The following SIK3 variants were observed in gnomAD, a reference collection of about 807,000 sequenced individuals.
The protein encoded by SIK3 is serine/threonine-protein kinase SIK3.
SIK3 carries 28 observed loss-of-function variants against 144.2 expected under a neutral mutation model. The ratio of observed to expected loss-of-function variants is 0.19; its 90% confidence interval spans 0.14 to 0.27. SIK3 has a LOEUF of 0.27. Ranked by LOEUF, SIK3 falls within the 10% of genes least tolerant of loss-of-function variation. SIK3 has a pLI of 1.00. For missense variants in SIK3, 1,319 were observed against 1,776.0 expected (o/e 0.74, Z 4.62); for synonymous variants, 686 against 676.3 (o/e 1.01, Z -0.22).
chr11:117,018,437 G>A (rs772608386), intron 1 of SIK3, among the ~76,000 whole-genome samples: 36 of 152,182 alleles, frequency 2.4e-4, no homozygotes, highest in Non-Finnish European at 4.0e-4. Context: ...AGTTCCAAAA[G>A]AGAACTCCAC....
At chr11:117,023,344 T>C (rs933543181) in intron 1 of SIK3, among the ~76,000 whole-genome samples, 4 of 151,684 alleles carry the variant, frequency 2.6e-5, no homozygotes, top group African/African-American at 7.3e-5. Context: ...TCTCTGTCCC[T>C]TCCCCGAGTT....
chr11:117,000,251 C>A (rs1372140429), intron 1 of SIK3, among the ~76,000 whole-genome samples: 3 of 152,128 alleles, frequency 2.0e-5, no homozygotes, highest in African/African-American at 7.2e-5. Context: ...TTCCTCAAAC[C>A]TAATGTTGGG....
At chr11:117,052,169 A>ATCTC (rs148824213) in intron 1 of SIK3, among the ~76,000 whole-genome samples, 3 of 150,288 alleles carry the variant, frequency 2.0e-5, no homozygotes, top group South Asian at 4.2e-4. Flanking sequence ...AAGGAAAGAA[A>ATCTC]TCTCTCTCTC....
At chr11:116,992,323 C>G (rs934106015) in intron 1 of SIK3, among the ~76,000 whole-genome samples, 44 of 145,432 alleles carry the variant, frequency 3.0e-4, no homozygotes, top group Admixed American at 7.4e-4. Flanking sequence ...AGACCCCCCC[C>G]CCCAAAAAAA....
At chr11:117,044,890 A>G (rs916654244) in intron 1 of SIK3, among the ~76,000 whole-genome samples, 5 of 152,170 alleles carry the variant, frequency 3.3e-5, no homozygotes, top group Non-Finnish European at 4.4e-5. Flanking sequence ...TTTCTAAAAA[A>G]CAACATGGCA....
intron 21 of SIK3, among the ~76,000 whole-genome samples, chr11:116,851,052 T>C (rs1000410885): frequency 2.0e-5 from 3 of 152,204 alleles, no homozygotes; most frequent in African/African-American, 7.2e-5. Flanking sequence ...TATGGGTTAC[T>C]ATCCTGTCAG....
Position 116,844,617 on chromosome 11 carries a change from TA to T in SIK3, c.*1025del, listed in dbSNP as rs1327752341. 11,601 of 59,950 alleles carry T rather than the reference TA, an allele frequency of 0.19. 1,828 individuals carry two copies. The highest frequency in any genetic ancestry group is 0.48 in the African/African-American group (10,987 of 22,898). The allele number at this position is 59,950 out of a possible 1,614,324, so 3.7% of individuals were successfully genotyped here. ...ATATTTTATATATATATTATATATA[TA>T]ATATATATATAATATATTATATTAT... On this transcript the variant is annotated 3_prime_UTR_variant, in exon 25 of 25. Coordinates refer to ENST00000445177, the MANE Select transcript of SIK3 (RefSeq NM_001366686.3).
chr11:116,899,290 A>G (rs866235291), intron 4 of SIK3, among the ~76,000 whole-genome samples: 3 of 151,436 alleles, frequency 2.0e-5, no homozygotes, highest in African/African-American at 2.4e-5. Context: ...GTAGATATGC[A>G]GCGTTATTTC....
At chr11:116,889,620 G>T (rs367692644) in intron 6 of SIK3, among the ~76,000 whole-genome samples, 2 of 152,152 alleles carry the variant, frequency 1.3e-5, no homozygotes, top group African/African-American at 4.8e-5. Context: ...TATTGGCTGG[G>T]TGCAGTGGCT....
At chr11:117,090,322 G>C (rs1195637447) in intron 1 of SIK3, among the ~76,000 whole-genome samples, 2 of 151,644 alleles carry the variant, frequency 1.3e-5, no homozygotes, top group African/African-American at 4.9e-5. Context: ...AACAGCCATA[G>C]CCCACAGACC....
At chr11:117,021,959 A>AAAAAAAAAAAAAAAAAAC (rs1565565812) in intron 1 of SIK3, among the ~76,000 whole-genome samples, 1 of 141,468 alleles carries the variant, frequency 7.1e-6, no homozygotes, top group African/African-American at 2.7e-5. Context: ...AAAAAAAAAA[A>AAAAAAAAAAAAAAAAAAC]AACCTAAAAA....
intron 1 of SIK3, among the ~76,000 whole-genome samples, chr11:117,029,419 T>C (rs1038552598): frequency 6.6e-6 from 1 of 152,076 alleles, no homozygotes; most frequent in African/African-American, 2.4e-5. Flanking sequence ...ATTGCACCAC[T>C]GCACTCTAGC....
rs866766464 is a variant in SIK3, at chr11:116,844,717, A to G, written c.*926T>C. The G allele has an allele frequency of 7.0e-6, 1 of 142,334 alleles. No homozygotes were observed. Among genetic ancestry groups the G allele is most frequent in the South Asian group, 2.2e-4 (1 of 4,596 alleles). The allele number at this position is 142,334 out of a possible 1,614,324, so 8.8% of individuals were successfully genotyped here. ...ACACACATATATAATATATATATGG[A>G]GAAACAATCCTTTTTATAGCACAAT... On this transcript the variant is annotated 3_prime_UTR_variant, in exon 25 of 25. Transcript: ENST00000445177.
At chr11:116,902,492 T>A (rs559565888) in intron 4 of SIK3, among the ~76,000 whole-genome samples, 2 of 152,248 alleles carry the variant, frequency 1.3e-5, no homozygotes, top group South Asian at 2.1e-4. Flanking sequence ...AATGAGTGTA[T>A]GAGAATGAAT....
chr11:116,872,454 A>G (rs960571244), intron 13 of SIK3, among the ~76,000 whole-genome samples: 2 of 152,208 alleles, frequency 1.3e-5, no homozygotes, highest in Non-Finnish European at 2.9e-5. Context: ...AATACTTCAC[A>G]TATGTTGATC....
At chr11:116,870,454 C>G (rs1943909469) in intron 13 of SIK3, 53 bp from the exon 14 acceptor site, 1 of 1,611,066 alleles carries the variant, frequency 6.2e-7, no homozygotes, top group Non-Finnish European at 8.5e-7. Flanking sequence ...TCTGTCATGC[C>G]TCTTACTCTA....
chr11:116,959,744 G>A (rs1352134506), intron 1 of SIK3, among the ~76,000 whole-genome samples: 1 of 152,138 alleles, frequency 6.6e-6, no homozygotes, highest in Non-Finnish European at 1.5e-5. Flanking sequence ...ACACAATCAC[G>A]TGGGTAGATA....
rs1447209427 is a variant in SIK3, at chr11:116,849,702, C to T, written c.3656-419G>A. On this transcript the variant is annotated intron_variant, in intron 21 of 24. Transcript: ENST00000445177. This position sits in a 1 kb window ranked among gnomAD's most constrained non-coding sequence, Gnocchi z 4.2. ...CTCCCCCGGTGACCTCAGTGTACCA[C>T]GCTGCTACTCTCCTCTTTCTACTTC... Among the ~76,000 whole-genome samples the T allele has an allele frequency of 6.6e-6, 1 of 152,106 alleles. No homozygotes were observed. Among genetic ancestry groups the T allele is most frequent in the Non-Finnish European group, 1.5e-5 (1 of 68,016 alleles).
At chr11:116,853,770 T>C (rs1016814056) in intron 21 of SIK3, among the ~76,000 whole-genome samples, 4 of 152,240 alleles carry the variant, frequency 2.6e-5, no homozygotes, top group African/African-American at 7.2e-5. Context: ...GGTAATCTCA[T>C]GGTGTAGATT....
Sources: gnomAD v4.1 joint callset for allele counts (sites outside exome capture counted in the v4.1 genomes callset) on GRCh38, gnomAD v4.1.1 for gene constraint, Gnocchi (gnomAD v3.1) non-coding constraint, MANE v1.5 for transcripts, NCBI Gene and HGNC (gene_info 2026-07-23, HGNC 2026-07-21) for gene names.